PPP6R2: variants seen among roughly 807,000 people sequenced by gnomAD.
PPP6R2 encodes the protein serine/threonine-protein phosphatase 6 regulatory subunit 2.
Under a neutral mutation model 100.2 loss-of-function variants are expected in PPP6R2, and 62 were observed. The ratio of observed to expected loss-of-function variants is 0.62; its 90% confidence interval spans 0.50 to 0.76. The LOEUF (loss-of-function observed/expected upper bound fraction) is 0.76. PPP6R2 is among the 30% of genes least tolerant of loss of function. PPP6R2 has a pLI of 0.00. For missense variants in PPP6R2, 1,142 were observed against 1,276.3 expected (o/e 0.89, Z 1.60); for synonymous variants, 525 against 514.7 (o/e 1.02, Z -0.27).
intron 1 of PPP6R2, among the ~76,000 whole-genome samples, chr22:50,359,011 C>G (rs944164670): frequency 8.6e-6 from 1 of 115,832 alleles, no homozygotes; most frequent in African/African-American, 3.7e-5. Flanking sequence ...CCCCCCAACT[C>G]TTTTTTTGAG....
At chr22:50,395,227 T>C (rs1030498222) in intron 3 of PPP6R2, among the ~76,000 whole-genome samples, 3 of 152,164 alleles carry the variant, frequency 2.0e-5, no homozygotes, top group Non-Finnish European at 4.4e-5. Context: ...GTACCGTCCG[T>C]TCTCAGAGTT....
chr22:50,443,528 T>G, intron 22 of PPP6R2: 1 of 281,114 alleles, frequency 3.6e-6, no homozygotes, highest in Non-Finnish European at 6.7e-6. Context: ...TTCCCCAGAC[T>G]GTGTCCAGTG....
At chr22:50,339,994 ATGTGGCG>A, upstream of PPP6R2, among the ~76,000 whole-genome samples, 1 of 60,578 alleles carries the variant, frequency 1.7e-5, no homozygotes, top group Middle Eastern at 0.015. Context: ...AGTGTGTGTT[ATGTGGCG>A]TGTGTGTGGT....
chr22:50,351,812 G>A, intron 1 of PPP6R2, among the ~76,000 whole-genome samples: 1 of 146,874 alleles, frequency 6.8e-6, no homozygotes, highest in Non-Finnish European at 1.5e-5. Context: ...TTTTTTTTTT[G>A]AAACGGAGTC....
chr22:50,336,781 A>G, the PPP6R2 span, among the ~76,000 whole-genome samples: 1 of 150,832 alleles, frequency 6.6e-6, no homozygotes, highest in Non-Finnish European at 1.5e-5. Context: ...GTCACAGTTC[A>G]CTGCAGCCCC....
rs761202619 is a variant in PPP6R2 at position 50,422,350 on chromosome 22, C to A, written c.942C>A (p.Asp314Glu). The A allele has an allele frequency of 1.1e-5, 18 of 1,614,020 alleles. No homozygotes were observed. In the African/African-American group the frequency reaches 2.0e-4, roughly 18 times the overall value. Residue 314 changes from aspartate (D) to glutamate (E), a missense_variant, in exon 9 of 24, where the codon GAC (aspartate) becomes GAA (glutamate). Asp to Glu is a conservative substitution (Grantham distance 45, BLOSUM62 2). Transcript: ENST00000612753. ...VLHGIEPRLK[D>E]FHQLLLNPPK... The stretch of plus-strand genomic sequence containing the variant: ...ACGGCATCGAGCCTCGGCTGAAGGA[C>A]TTCCACCAGCTCCTGCTCAACCCGC...
At position 50,437,438 on chromosome 22, in the gene PPP6R2, G is replaced by GCCTCCAGGCCTGATGCCT; in HGVS notation, c.1684-61_1684-44dup. The GCCTCCAGGCCTGATGCCT allele has an allele frequency of 1.3e-5, 15 of 1,121,798 alleles. No homozygotes were observed. In the South Asian group the frequency reaches 1.8e-4, roughly 14 times the overall value. The allele number at this position is 1,121,798 out of a possible 1,614,324, so 69.5% of individuals were successfully genotyped here. ...GAGAGATTGTGGTTCCCAAAGAGCA[G>GCCTCCAGGCCTGATGCCT]CCTCCAGGCCTGATGCCTCCTCCAT... is the stretch of plus-strand genomic sequence containing the variant. On this transcript the variant is annotated intron_variant, in intron 15 of 23. Transcript: ENST00000612753.
At chr22:50,348,944 C>A (rs986705892) in intron 1 of PPP6R2, among the ~76,000 whole-genome samples, 1 of 152,076 alleles carries the variant, frequency 6.6e-6, no homozygotes, top group Non-Finnish European at 1.5e-5. Context: ...GTAATCCCAG[C>A]ACTTTGGGAT....
Position 50,414,614 on chromosome 22 carries a change from C to T in PPP6R2, c.477C>T (p.Thr159=), listed in dbSNP as rs1239195073. The change falls in exon 5 of 24, where the codon ACC becomes ACT. Residue 159 remains threonine (T), a synonymous_variant. Coordinates refer to ENST00000612753, the MANE Select transcript of PPP6R2 (RefSeq NM_001242898.2). ...GCCTGGTGTTGAAGCACATCGGCAC[C>T]TCAGCGCTTATGGACCTGCTGCTGC... ...FISLVLKHIG[T]SALMDLLLRL... The T allele has an allele frequency of 1.2e-6, 2 of 1,613,946 alleles. No homozygotes were observed. The highest frequency in any genetic ancestry group is 1.7e-5 in the Admixed American group (1 of 60,016).
chr22:50,418,750 CG>C (rs1484089899), intron 6 of PPP6R2, 116 bp from the exon 7 acceptor site: 1 of 777,490 alleles, frequency 1.3e-6, no homozygotes, highest in East Asian at 2.5e-5. Flanking sequence ...TGAACAACAA[CG>C]AAAGTCTAGC....
rs958907321 is a variant in PPP6R2, at chr22:50,438,810, C to T, written c.2128+48C>T. The stretch of plus-strand genomic sequence containing the variant: ...GGGAGTGTGGGTATCGGGGACAGGA[C>T]ATGGTACCCCGGCCTGGGTGTTGTG... On this transcript the variant is annotated intron_variant, in intron 19 of 23. Transcript: ENST00000612753. 13 of 1,519,158 alleles carry T rather than the reference C, an allele frequency of 8.6e-6. 1 individual carries two copies. In the Admixed American group the frequency reaches 2.5e-4, roughly 29 times the overall value. 94.1% of individuals were successfully genotyped at this position (1,519,158 alleles called of 1,614,324 possible).
chr22:50,337,624 G>A, the PPP6R2 span, among the ~76,000 whole-genome samples: 1 of 118,386 alleles, frequency 8.4e-6, no homozygotes, highest in African/African-American at 6.4e-5. Flanking sequence ...GCTGTGTGCG[G>A]TATGTGTGCT....
At chr22:50,404,668 C>T (rs2058571862) in intron 3 of PPP6R2, among the ~76,000 whole-genome samples, 1 of 135,398 alleles carries the variant, frequency 7.4e-6, no homozygotes, top group Admixed American at 7.7e-5. Flanking sequence ...CACTCCTGAG[C>T]TCAAGAGTGA....
chr22:50,437,863 C>T lies in PPP6R2; in HGVS notation c.1802C>T (p.Ala601Val), dbSNP rs771867448. 6 of 1,553,696 alleles carry T rather than the reference C, an allele frequency of 3.9e-6. No individual in the cohort carries two copies. Among genetic ancestry groups the T allele is most frequent in the South Asian group, 3.6e-5 (3 of 84,462 alleles). Residue 601 changes from alanine (A) to valine (V), a missense_variant, in exon 17 of 24, where the codon GCA (alanine) becomes GTA (valine). By Grantham distance (64) the Ala-to-Val change is moderately conservative. Around this residue, in one of 2 missense-constraint regions of PPP6R2, gnomAD observed 550 missense variants for 517.4 expected, o/e 1.06. Coordinates refer to ENST00000612753, the MANE Select transcript of PPP6R2 (RefSeq NM_001242898.2). ...DNINAPFDRIAEINFNIDADE... is the reference protein window; with the variant it reads ...DNINAPFDRIVEINFNIDADE... ...TGCAGTGCCCCGTTTGACAGGATCG[C>T]AGAGATCAACTTCAACATCGACGCT...
rs551693387 is a variant in PPP6R2 at position 50,421,360 on chromosome 22, T to G, written c.846-894T>G. 3.3e-5 allele frequency among the ~76,000 whole-genome samples: 5 copies of G among 152,262 alleles called. No homozygotes were observed. In the South Asian group the frequency reaches 1.0e-3, roughly 32 times the overall value. The stretch of plus-strand genomic sequence containing the variant: ...ATTGTGATTATTATTATTATTATTT[T>G]CAGACAGTGTCTTGCTCTGTCACCC... On this transcript the variant is annotated intron_variant, in intron 8 of 23. Coordinates refer to ENST00000612753, the MANE Select transcript of PPP6R2 (RefSeq NM_001242898.2).
At position 50,427,942 on chromosome 22, in the gene PPP6R2, G is replaced by C. The variant is rs12165642; in HGVS notation, c.1126-3231G>C. Among the ~76,000 whole-genome samples, 414 of 151,692 alleles carry C rather than the reference G, an allele frequency of 2.7e-3. 2 individuals are homozygous for C. The highest frequency in any genetic ancestry group is 8.7e-3 in the African/African-American group (362 of 41,492). On this transcript the variant is annotated intron_variant, in intron 10 of 23. Transcript: ENST00000612753. The stretch of plus-strand genomic sequence containing the variant: ...TCACCATATTAGCCAGGACGGTCTC[G>C]ATCTCCTGACCTCGTGATCCGCCCA...
rs200644950 is a variant in PPP6R2, at chr22:50,437,567, A to G, written c.1745A>G (p.Asn582Ser). The G allele has an allele frequency of 6.2e-7, 1 of 1,612,342 alleles. No homozygotes were observed. The highest frequency in any genetic ancestry group is 8.5e-7 in the Non-Finnish European group (1 of 1,179,106). Residue 582 changes from asparagine (N) to serine (S), a missense_variant, in exon 16 of 24, where the codon AAT becomes AGT. Physicochemically the swap from Asn to Ser is conservative, Grantham distance 46 (BLOSUM62 1). Around this residue, in one of 2 missense-constraint regions of PPP6R2, gnomAD observed 550 missense variants for 517.4 expected, o/e 1.06. Transcript: ENST00000612753. The stretch of plus-strand genomic sequence containing the variant: ...AACTTCGTGGATCAGTTTGGCTTCA[A>G]TGATGAGGAGTTTGCCGACCAGGAC... ...TANFVDQFGFNDEEFADQDDN... is the reference protein window; with the variant it reads ...TANFVDQFGFSDEEFADQDDN...
chr22:50,333,891 G>T, the PPP6R2 span, among the ~76,000 whole-genome samples: 1 of 152,198 alleles, frequency 6.6e-6, no homozygotes, highest in Admixed American at 6.5e-5. Flanking sequence ...AGTGTGGGTT[G>T]TCTCCAATGA....
upstream of PPP6R2, among the ~76,000 whole-genome samples, chr22:50,338,837 TGTGTGTG>T (rs781109756): frequency 2.9e-4 from 42 of 143,528 alleles, no homozygotes; most frequent in East Asian, 1.3e-3. Flanking sequence ...GTGTGTGGTG[TGTGTGTG>T]GTGTGTGGTG....
Sources: allele counts gnomAD v4.1 joint callset (sites outside exome capture counted in the v4.1 genomes callset), GRCh38; gene constraint gnomAD v4.1.1; regional missense constraint gnomAD v4.1.1; transcripts MANE v1.5; gene names NCBI Gene and HGNC (gene_info 2026-07-23, HGNC 2026-07-21).